NTRK2: variants seen among roughly 807,000 people sequenced by gnomAD.
The protein encoded by NTRK2 is neurotrophic receptor tyrosine kinase 2, also known as BDNF/NT-3 growth factors receptor.
In NTRK2, 13 loss-of-function variants were observed where a neutral mutation model predicts 94.5. The observed-to-expected ratio is 0.14, with a 90% CI of 0.09 to 0.22. The LOEUF (loss-of-function observed/expected upper bound fraction) is 0.22, where lower values mean the gene tolerates loss of function less well. NTRK2 is among the 10% of genes least tolerant of loss of function. The pLI is 1.00. For missense variants in NTRK2, 639 were observed against 1,071.2 expected, an observed-to-expected ratio of 0.60 and a Z score of 5.63; for synonymous variants, 372 against 407.4, an observed-to-expected ratio of 0.91 and a Z score of 1.05.
chr9:84,872,681 C>T (rs1170952138), intron 14 of NTRK2: 31 of 1,064,488 alleles, frequency 2.9e-5, no homozygotes, highest in Middle Eastern at 4.1e-4. Flanking sequence ...CATACTTCTC[C>T]AGCTATTATA....
chr9:84,799,532 T>C (rs2070125174), intron 12 of NTRK2, among the ~76,000 whole-genome samples: 2 of 152,180 alleles, frequency 1.3e-5, no homozygotes, highest in African/African-American at 4.8e-5. Flanking sequence ...TAATCATCTG[T>C]TATTTTAGTG....
chr9:84,987,338 G>A (rs997410401), intron 17 of NTRK2, among the ~76,000 whole-genome samples: 3 of 152,070 alleles, frequency 2.0e-5, no homozygotes, highest in African/African-American at 7.2e-5. Flanking sequence ...AAAAATAAAA[G>A]GATAGGGAAC....
chr9:84,707,450 T>C (rs751650205), intron 4 of NTRK2, among the ~76,000 whole-genome samples: 2 of 152,186 alleles, frequency 1.3e-5, no homozygotes, highest in Non-Finnish European at 2.9e-5. Context: ...TGCTCTTTAG[T>C]TTTAAGGCAT....
At chr9:84,810,663 G>T (rs202167201) in intron 12 of NTRK2, 3 of 1,609,418 alleles carry the variant, frequency 1.9e-6, no homozygotes, top group Non-Finnish European at 2.5e-6. Flanking sequence ...TGGGACTGCT[G>T]TTGGCTTATC....
intron 14 of NTRK2, among the ~76,000 whole-genome samples, chr9:84,904,241 T>C (rs886282512): frequency 2.6e-5 from 4 of 152,224 alleles, no homozygotes; most frequent in Non-Finnish European, 5.9e-5. Context: ...TAATTATTAA[T>C]GGAATTTGCA....
chr9:84,705,171 G>A (rs2060968451), intron 4 of NTRK2, among the ~76,000 whole-genome samples: 1 of 151,540 alleles, frequency 6.6e-6, no homozygotes, highest in African/African-American at 2.4e-5. Context: ...AATTTAAATG[G>A]GATCCTCTCT....
chr9:84,669,830 G>C lies in NTRK2; in HGVS notation c.-431G>C, dbSNP rs1262018325. The C allele has an allele frequency of 1.3e-5, 2 of 152,616 alleles. No homozygotes were observed. The allele number at this position is 152,616 out of a possible 1,614,324, so 9.5% of individuals were successfully genotyped here. On this transcript the variant is annotated 5_prime_UTR_variant, in exon 1 of 19. Coordinates refer to ENST00000277120, the MANE Select transcript of NTRK2 (RefSeq NM_006180.6). This position sits in a 1 kb window ranked among gnomAD's most constrained non-coding sequence, Gnocchi z 4.1. ...CTCGCGCTCTACGCGCTCAGTCCCCGGCGGTAGCAGGAGCCTGGACCCAGG... is the reference window on the plus strand; with the variant it reads ...CTCGCGCTCTACGCGCTCAGTCCCCCGCGGTAGCAGGAGCCTGGACCCAGG...
intron 11 of NTRK2, among the ~76,000 whole-genome samples, chr9:84,747,644 A>AT (rs34542594): frequency 6.6e-6 from 1 of 151,828 alleles, no homozygotes; most frequent in African/African-American, 2.4e-5. Context: ...TGCCTGGCTA[A>AT]TTTTTTTGTA....
chr9:84,911,602 T>C (rs1410320384), intron 14 of NTRK2, among the ~76,000 whole-genome samples: 1 of 152,122 alleles, frequency 6.6e-6, no homozygotes, highest in African/African-American at 2.4e-5. Context: ...GTCTGTAGGG[T>C]TTGTACTGTT....
At chr9:85,007,110 C>A (rs1202110422) in intron 17 of NTRK2, among the ~76,000 whole-genome samples, 2 of 152,238 alleles carry the variant, frequency 1.3e-5, no homozygotes, top group African/African-American at 4.8e-5. Context: ...GAGGAAATAG[C>A]AAACATGTAA....
intron 16 of NTRK2, 76 bp downstream of exon 16, chr9:84,948,710 G>C (rs2132890750): frequency 7.3e-7 from 1 of 1,373,624 alleles, no homozygotes; most frequent in South Asian, 1.2e-5. Flanking sequence ...TCATGGGAGG[G>C]AACAAGGGAC....
chr9:84,883,441 A>G (rs941841696), intron 14 of NTRK2, among the ~76,000 whole-genome samples: 2 of 152,212 alleles, frequency 1.3e-5, no homozygotes, highest in African/African-American at 2.4e-5. Flanking sequence ...TTTAGGGCAC[A>G]GGGATTGTGG....
intron 2 of NTRK2, among the ~76,000 whole-genome samples, chr9:84,677,461 A>G (rs992163219): frequency 6.6e-6 from 1 of 151,948 alleles, no homozygotes; most frequent in Non-Finnish European, 1.5e-5. Context: ...TCTGAGACAT[A>G]TTTTTGGTTG....
chr9:84,903,744 T>TTC (rs372656210), intron 14 of NTRK2, among the ~76,000 whole-genome samples: 2 of 149,864 alleles, frequency 1.3e-5, no homozygotes, highest in Admixed American at 6.7e-5. Flanking sequence ...CCTCCCTCCC[T>TTC]TCTCTCTCTC....
At chr9:84,821,150 CT>C (rs1283685084) in intron 12 of NTRK2, among the ~76,000 whole-genome samples, 3 of 151,870 alleles carry the variant, frequency 2.0e-5, no homozygotes, top group African/African-American at 7.3e-5. Flanking sequence ...TCATTTTCTT[CT>C]CTTTTCTTTC....
intron 12 of NTRK2, among the ~76,000 whole-genome samples, chr9:84,802,678 T>C (rs1303835394): frequency 6.6e-6 from 1 of 152,248 alleles, no homozygotes; most frequent in East Asian, 1.9e-4. Context: ...TATAAGGCTG[T>C]GACCCTGGGA....
chr9:84,922,412 G>T (rs2132590582), intron 14 of NTRK2, among the ~76,000 whole-genome samples: 1 of 152,302 alleles, frequency 6.6e-6, no homozygotes, highest in South Asian at 2.1e-4. Flanking sequence ...TTTTTTACGT[G>T]TGTTATGGCA....
rs1254854746 is a variant in NTRK2, at chr9:84,902,194, T to TA, written c.1634-31955dup. Among the ~76,000 whole-genome samples, 989 of 130,038 alleles carry TA rather than the reference T, an allele frequency of 7.6e-3. 9 individuals carry two copies. The highest frequency in any genetic ancestry group is 0.024 in the African/African-American group (827 of 35,108). The allele number at this position is 130,038 out of a possible 152,430, so 85.3% of individuals were successfully genotyped here. A position where few individuals can be genotyped will look rare whatever the true frequency, so the allele number is the denominator to read the frequency against. On this transcript the variant is annotated intron_variant, in intron 14 of 18. Coordinates refer to ENST00000277120, the MANE Select transcript of NTRK2 (RefSeq NM_006180.6). ...CTGGGCAACAGAATGAGATTCTGTC[T>TA]AAAAAAAAAAAAATTAAAAATTAAA... is the stretch of plus-strand genomic sequence containing the variant.
At chr9:84,845,127 G>T (rs751646648) in intron 12 of NTRK2, among the ~76,000 whole-genome samples, 1 of 152,126 alleles carries the variant, frequency 6.6e-6, no homozygotes, top group Admixed American at 6.5e-5. Context: ...CAAAGGAAAA[G>T]AAGTTATTTG....
Sources: gnomAD v4.1 joint callset for allele counts (sites outside exome capture counted in the v4.1 genomes callset) on GRCh38, gnomAD v4.1.1 for gene constraint, Gnocchi (gnomAD v3.1) non-coding constraint, MANE v1.5 for transcripts, NCBI Gene and HGNC (gene_info 2026-07-23, HGNC 2026-07-21) for gene names.